GNE: variants seen among roughly 807,000 people sequenced by gnomAD.
GNE encodes glucosamine (UDP-N-acetyl)-2-epimerase/N-acetylmannosamine kinase, also known as bifunctional UDP-N-acetylglucosamine 2-epimerase/N-acetylmannosamine kinase.
Under a neutral mutation model 61.8 loss-of-function variants are expected in GNE, and 41 were observed. The observed-to-expected ratio is 0.66, with a 90% CI of 0.52 to 0.86. The LOEUF (loss-of-function observed/expected upper bound fraction) is 0.86. Ranked by LOEUF, GNE falls within the 40% of genes least tolerant of loss-of-function variation. The pLI is 0.00. For missense variants in GNE, 608 were observed against 909.1 expected, an observed-to-expected ratio of 0.67 and a Z score of 4.26; for synonymous variants, 264 against 326.4, an observed-to-expected ratio of 0.81 and a Z score of 2.06.
At chr9:36,227,595 C>T (rs926284593) in intron 6 of GNE, 137 bp from the exon 7 acceptor site, 17 of 689,436 alleles carry the variant, frequency 2.5e-5, no homozygotes, top group Middle Eastern at 3.8e-4. Context: ...ATCTTCCTGC[C>T]GTGCACAGTG....
intron 1 of GNE, among the ~76,000 whole-genome samples, chr9:36,250,083 G>A (rs1830058039): frequency 6.6e-6 from 1 of 152,104 alleles, no homozygotes; most frequent in Non-Finnish European, 1.5e-5. Context: ...ATAGTAGGTT[G>A]TTGCAAAATC....
At position 36,218,116 on chromosome 9, in the gene GNE, C is replaced by T; in HGVS notation, c.1933+67G>A. The T allele has an allele frequency of 9.6e-7, 1 of 1,039,334 alleles. No homozygotes were observed. The highest frequency in any genetic ancestry group is 1.5e-6 in the Non-Finnish European group (1 of 655,648). 64.4% of individuals were successfully genotyped at this position (1,039,334 alleles called of 1,614,324 possible). ...TAGGGAAGCAGGGTCTCTTCTGGGG[C>T]CGGGCTGGGCCATATGATATCTGAG... On this transcript the variant is annotated intron_variant, in intron 11 of 11. Transcript: ENST00000642385. The surrounding 1 kb of genome is among the most constrained non-coding windows in gnomAD (Gnocchi z 4.1).
rs1460553966 is a variant in GNE, at chr9:36,216,877, T to TTAG, written c.*485_*487dup. 1 of 185,126 alleles carries TTAG rather than the reference T, an allele frequency of 5.4e-6. No individual in the cohort carries two copies. Among genetic ancestry groups the TTAG allele is most frequent in the Non-Finnish European group, 1.1e-5 (1 of 87,532 alleles). The allele number at this position is 185,126 out of a possible 1,614,324, so 11.5% of individuals were successfully genotyped here. A position where few individuals can be genotyped will look rare whatever the true frequency, so the allele number is the denominator to read the frequency against. ...CGGGGTTTCACCATGTTTCACCATG[T>TTAG]TAGCCAGGGCGGTCTCGATCTCCTG... is the stretch of plus-strand genomic sequence containing the variant. On this transcript the variant is annotated 3_prime_UTR_variant, in exon 12 of 12. Coordinates refer to ENST00000642385, the MANE Select transcript of GNE (RefSeq NM_005476.7).
chr9:36,265,138 C>G (rs1390344093), intron 1 of GNE: 1 of 298,198 alleles, frequency 3.4e-6, no homozygotes, highest in Non-Finnish European at 6.7e-6. Flanking sequence ...GGGCTGAAGG[C>G]TTGCCGTTGT....
rs1306584970 is a variant in GNE, at chr9:36,216,245, T to C, written c.*1120A>G. The stretch of plus-strand genomic sequence containing the variant: ...AAGCTGTTTTAAAAAAAAGTGTACT[T>C]AAGCCCTTCCTGGTAAGATTTCCCT... On this transcript the variant is annotated 3_prime_UTR_variant, in exon 12 of 12. Transcript: ENST00000642385. 2.2e-6 allele frequency: 1 copy of C among 455,510 alleles called. No individual in the cohort carries two copies. The highest frequency in any genetic ancestry group is 7.0e-5 in the East Asian group (1 of 14,372). The allele number at this position is 455,510 out of a possible 1,614,324, so 28.2% of individuals were successfully genotyped here.
At chr9:36,249,104 A>T in intron 2 of GNE, 88 bp downstream of exon 2, 1 of 1,025,054 alleles carries the variant, frequency 9.8e-7, no homozygotes, top group South Asian at 1.3e-5. Context: ...CAGAACAGGA[A>T]TTTGAAGCTG....
Position 36,214,516 on chromosome 9 carries a change from AAATT to A in GNE, c.*2845_*2848del, listed in dbSNP as rs1452499051. On this transcript the variant is annotated 3_prime_UTR_variant, in exon 12 of 12. Coordinates refer to ENST00000642385, the MANE Select transcript of GNE (RefSeq NM_005476.7). Reference sequence around the variant, plus strand: ...GTAACAAAAATATTTACATTAAAATAAATTAACATGCAATTACTTAACCATATGT... The same window carrying A: ...GTAACAAAAATATTTACATTAAAATAAACATGCAATTACTTAACCATATGT... The A allele has an allele frequency of 1.3e-5, 2 of 152,228 alleles. No homozygotes were observed. The highest frequency in any genetic ancestry group is 2.9e-5 in the Non-Finnish European group (2 of 68,042). 9.4% of individuals were successfully genotyped at this position (152,228 alleles called of 1,614,324 possible).
chr9:36,274,150 C>T (rs570626162), intron 1 of GNE, among the ~76,000 whole-genome samples: 4 of 151,238 alleles, frequency 2.6e-5, no homozygotes, highest in Non-Finnish European at 5.9e-5. Flanking sequence ...GGCTGGAGTG[C>T]AGTGGCAGGA....
chr9:36,272,457 T>C (rs1831062507), intron 1 of GNE, among the ~76,000 whole-genome samples: 1 of 151,544 alleles, frequency 6.6e-6, no homozygotes, highest in Admixed American at 6.6e-5. Context: ...CTGTCTCTAC[T>C]AAAAATACAA....
intron 1 of GNE, among the ~76,000 whole-genome samples, chr9:36,266,283 C>A (rs1466096359): frequency 6.6e-6 from 1 of 152,198 alleles, no homozygotes; most frequent in East Asian, 1.9e-4. Context: ...GTCCATGGCC[C>A]AGGGGTTGGG....
chr9:36,247,762 C>T (rs10972804), intron 2 of GNE, among the ~76,000 whole-genome samples: 1 of 152,178 alleles, frequency 6.6e-6, no homozygotes, highest in East Asian at 1.9e-4. Context: ...CGCAGTGGCT[C>T]ACACCTGTAA....
At chr9:36,236,045 C>T (rs1186205554) in intron 4 of GNE, among the ~76,000 whole-genome samples, 8 of 152,138 alleles carry the variant, frequency 5.3e-5, no homozygotes, top group Non-Finnish European at 7.3e-5. Context: ...GAGGATGAAC[C>T]GGTTGGGACT....
intron 1 of GNE, chr9:36,276,846 TG>T: frequency 7.0e-7 from 1 of 1,421,046 alleles, no homozygotes; most frequent in Non-Finnish European, 9.8e-7. Context: ...CCTTTTTTTC[TG>T]ATTGCAATTT....
In GNE at chr9:36,216,330, T is replaced by TGTGTGTGTGTGTGCGTGTGTGC. The variant is rs780363114; in HGVS notation, c.*1034_*1035insGCACACACGCACACACACACAC. The TGTGTGTGTGTGTGCGTGTGTGC allele has an allele frequency of 2.5e-6, 1 of 398,688 alleles. No individual in the cohort carries two copies. Among genetic ancestry groups the TGTGTGTGTGTGTGCGTGTGTGC allele is most frequent in the African/African-American group, 2.1e-5 (1 of 47,262 alleles). The allele number at this position is 398,688 out of a possible 1,614,324, so 24.7% of individuals were successfully genotyped here. A position where few individuals can be genotyped will look rare whatever the true frequency, so the allele number is the denominator to read the frequency against. ...GTTTGGGGTTAGAGGAGGAAGGATG[T>TGTGTGTGTGTGTGCGTGTGTGC]GTGTGTGTGTGTGTGTGTGTGTGTA... is the stretch of plus-strand genomic sequence containing the variant. On this transcript the variant is annotated 3_prime_UTR_variant, in exon 12 of 12. Coordinates refer to ENST00000642385, the MANE Select transcript of GNE (RefSeq NM_005476.7).
chr9:36,259,416 A>C (rs888206465), upstream of GNE, among the ~76,000 whole-genome samples: 1 of 152,160 alleles, frequency 6.6e-6, no homozygotes, highest in Non-Finnish European at 1.5e-5. Context: ...AACCATTAAA[A>C]ATTTACCACA....
intron 1 of GNE, among the ~76,000 whole-genome samples, chr9:36,254,232 A>ATAAAT (rs1554665012): frequency 3.3e-5 from 5 of 150,942 alleles, no homozygotes; most frequent in Non-Finnish European, 7.4e-5. Context: ...AAATAAATAA[A>ATAAAT]AACAAGAAAT....
At chr9:36,257,223 G>A (rs920554143) in intron 1 of GNE, among the ~76,000 whole-genome samples, 2 of 152,090 alleles carry the variant, frequency 1.3e-5, no homozygotes, top group Admixed American at 6.6e-5. Context: ...CCTTGTGTCT[G>A]TTCATTCCAT....
intron 1 of GNE, among the ~76,000 whole-genome samples, chr9:36,271,864 G>C (rs567403778): frequency 1.3e-5 from 2 of 152,078 alleles, no homozygotes; most frequent in African/African-American, 2.4e-5. Context: ...AGCCCTGTTT[G>C]GTATGCTTGT....
intron 1 of GNE, among the ~76,000 whole-genome samples, chr9:36,263,896 T>C (rs1830686553): frequency 6.6e-6 from 1 of 152,186 alleles, no homozygotes; most frequent in Admixed American, 6.5e-5. Context: ...AATTAGCTAA[T>C]GTGCATGTTA....
Sources: allele counts gnomAD v4.1 joint callset (sites outside exome capture counted in the v4.1 genomes callset), GRCh38; gene constraint gnomAD v4.1.1; non-coding constraint Gnocchi (gnomAD v3.1); transcripts MANE v1.5; gene names NCBI Gene and HGNC (gene_info 2026-07-23, HGNC 2026-07-21).